CABIN1: variants seen among roughly 807,000 people sequenced by gnomAD.
CABIN1 encodes the protein calcineurin binding protein 1.
CABIN1 carries 133 observed loss-of-function variants against 227.7 expected under a neutral mutation model. That is an observed-to-expected ratio of 0.58 (90% CI 0.51 to 0.67). The LOEUF is 0.67. Among genes scored for constraint, CABIN1 ranks in the 30% least tolerant of loss-of-function variants. The pLI is 0.00. For missense variants in CABIN1, 2,408 were observed against 2,852.5 expected (o/e 0.84, Z 3.55); for synonymous variants, 1,086 against 1,155.1 (o/e 0.94, Z 1.21).
chr22:24,074,789 CGTA>C (rs2040328090), intron 18 of CABIN1, among the ~76,000 whole-genome samples: 1 of 152,110 alleles, frequency 6.6e-6, no homozygotes, highest in South Asian at 2.1e-4. Flanking sequence ...AAAGGAAAAT[CGTA>C]GAACTGAGGA....
At chr22:24,090,593 C>T (rs573254712) in intron 23 of CABIN1, among the ~76,000 whole-genome samples, 1 of 149,572 alleles carries the variant, frequency 6.7e-6, no homozygotes, top group African/African-American at 2.5e-5. Flanking sequence ...TATTTCAGTC[C>T]TGGGGCCATT....
At chr22:24,049,729 T>G (rs1419564512) in intron 7 of CABIN1, among the ~76,000 whole-genome samples, 1 of 152,150 alleles carries the variant, frequency 6.6e-6, no homozygotes, top group East Asian at 1.9e-4. Context: ...CTCCTTTTGT[T>G]AAGACTGCCC....
chr22:24,096,023 G>A lies in CABIN1; in HGVS notation c.3879G>A (p.Glu1293=). Residue 1293 remains glutamate (E), a synonymous_variant, in exon 25 of 37, where the codon GAG becomes GAA. Coordinates refer to ENST00000263119, the MANE Select transcript of CABIN1 (RefSeq NM_012295.4). ...AGGTCCTGGTCAACTTTATGAAGGA[G>A]GCTGCAGAAGGACCCTTTGCCAGGG... ...GAEVLVNFMK[E]AAEGPFARGE... 1 of 1,614,158 alleles carries A rather than the reference G, an allele frequency of 6.2e-7. No individual in the cohort carries two copies. Among genetic ancestry groups the A allele is most frequent in the Non-Finnish European group, 8.5e-7 (1 of 1,180,016 alleles).
At chr22:24,140,105 CG>C (rs2044663421) in intron 29 of CABIN1, among the ~76,000 whole-genome samples, 1 of 152,156 alleles carries the variant, frequency 6.6e-6, no homozygotes, top group South Asian at 2.1e-4. Flanking sequence ...GAGGCACCCT[CG>C]GGGGAACTCC....
At chr22:24,086,255 TC>T (rs1236324491) in intron 22 of CABIN1, among the ~76,000 whole-genome samples, 1 of 152,212 alleles carries the variant, frequency 6.6e-6, no homozygotes, top group African/African-American at 2.4e-5. Context: ...CCTCGTCTGT[TC>T]CCCTACTTCC....
intron 29 of CABIN1, among the ~76,000 whole-genome samples, chr22:24,136,548 TA>T (rs2044425490): frequency 7.0e-6 from 1 of 142,556 alleles, no homozygotes; most frequent in Non-Finnish European, 1.5e-5. Flanking sequence ...TTTTTTTTTT[TA>T]GAGACAAGGT....
intron 30 of CABIN1, 106 bp from the exon 31 acceptor site, chr22:24,165,424 C>T (rs778062291): frequency 9.5e-7 from 1 of 1,049,704 alleles, no homozygotes; most frequent in Non-Finnish European, 1.4e-6. Context: ...CACTGAGGAA[C>T]AAACAGGCAT....
intron 18 of CABIN1, among the ~76,000 whole-genome samples, chr22:24,073,930 G>A (rs1017680879): frequency 1.3e-5 from 2 of 152,154 alleles, no homozygotes; most frequent in South Asian, 2.1e-4. Flanking sequence ...CATCCCCGCT[G>A]CTGAACCCTT....
At position 24,091,620 on chromosome 22, in the gene CABIN1, A is replaced by C. The variant is rs1569199849; in HGVS notation, c.3563A>C (p.Lys1188Thr). ...CGCGACAGCATGCTAGAGACAGCCA[A>C]GCACTGTTTCACATCAGCAGCCCGC... ...GRRDSMLETAKHCFTSAARCE... is the reference protein window; with the variant it reads ...GRRDSMLETATHCFTSAARCE... Residue 1188 changes from lysine to threonine, a missense_variant, in exon 24 of 37, where the codon AAG (lysine) becomes ACG (threonine). This residue lies in a region of CABIN1 where 649 missense variants were observed against 910.3 expected (regional missense o/e 0.71). Coordinates refer to ENST00000263119, the MANE Select transcript of CABIN1 (RefSeq NM_012295.4). The C allele has an allele frequency of 1.2e-6, 2 of 1,614,136 alleles. No homozygotes were observed. The highest frequency in any genetic ancestry group is 1.7e-6 in the Non-Finnish European group (2 of 1,180,058).
intron 15 of CABIN1, among the ~76,000 whole-genome samples, chr22:24,065,283 C>T (rs1374113591): frequency 6.6e-6 from 1 of 150,488 alleles, no homozygotes; most frequent in African/African-American, 2.5e-5. Flanking sequence ...CTCCTCACTT[C>T]TCAGACGGGG....
chr22:24,151,937 C>T (rs571008484), intron 29 of CABIN1, among the ~76,000 whole-genome samples: 1 of 152,354 alleles, frequency 6.6e-6, no homozygotes, highest in Non-Finnish European at 1.5e-5. Flanking sequence ...TGGGTCACTG[C>T]CCATCCACAA....
At position 24,171,996 on chromosome 22, in the gene CABIN1, G is replaced by C. The variant is rs1253091911; in HGVS notation, c.6040+1G>C. On this transcript the variant is annotated splice_donor_variant, in intron 34 of 36. Transcript: ENST00000263119. LOFTEE classifies it high-confidence loss of function. Reference sequence around the variant, plus strand: ...CCCAGCATGGCCTCTCTGGGCCCAGGTGAGTCCCATCCCAGTCCAGAGCTG... The same window carrying C: ...CCCAGCATGGCCTCTCTGGGCCCAGCTGAGTCCCATCCCAGTCCAGAGCTG... The C allele has an allele frequency of 6.2e-7, 1 of 1,609,374 alleles. No homozygotes were observed. Among genetic ancestry groups the C allele is most frequent in the Non-Finnish European group, 8.5e-7 (1 of 1,179,602 alleles).
chr22:24,175,844 GC>G, intron 34 of CABIN1: 1 of 568,786 alleles, frequency 1.8e-6, no homozygotes, highest in African/African-American at 1.9e-5. Context: ...CTCAGGTGTG[GC>G]CCCACTGGGT....
At chr22:24,051,906 T>A (rs1388113845) in intron 8 of CABIN1, among the ~76,000 whole-genome samples, 1 of 152,160 alleles carries the variant, frequency 6.6e-6, no homozygotes, top group Non-Finnish European at 1.5e-5. Context: ...AGTTTCAGCA[T>A]GTAGAATTTC....
chr22:24,151,101 G>A (rs771521717), intron 29 of CABIN1, among the ~76,000 whole-genome samples: 3 of 152,138 alleles, frequency 2.0e-5, no homozygotes, highest in Non-Finnish European at 2.9e-5. Context: ...TTGGGAACCC[G>A]AACGCCCTTG....
At chr22:24,151,814 C>T (rs35013891) in intron 29 of CABIN1, among the ~76,000 whole-genome samples, 2,794 of 152,304 alleles carry the variant, frequency 0.018, 34 homozygotes, top group Middle Eastern at 0.031. Flanking sequence ...CCTTTGCATG[C>T]ACTGCCTACC....
At chr22:24,156,013 TC>T in intron 29 of CABIN1, 1 of 573,708 alleles carries the variant, frequency 1.7e-6, no homozygotes. Flanking sequence ...CGAACGAGCC[TC>T]CGCGGCCATG....
chr22:24,149,519 T>C (rs1277950678), intron 29 of CABIN1, among the ~76,000 whole-genome samples: 1 of 152,224 alleles, frequency 6.6e-6, no homozygotes, highest in African/African-American at 2.4e-5. Flanking sequence ...GAAGGTGAGA[T>C]GGATCAGGGC....
intron 1 of CABIN1, among the ~76,000 whole-genome samples, chr22:24,018,050 T>G (rs1048594434): frequency 6.6e-6 from 1 of 152,098 alleles, no homozygotes; most frequent in Admixed American, 6.5e-5. Context: ...AGATGGAGTC[T>G]CTCTGTGTTG....
Sources: allele counts gnomAD v4.1 joint callset (sites outside exome capture counted in the v4.1 genomes callset), GRCh38; gene constraint gnomAD v4.1.1; regional missense constraint gnomAD v4.1.1; transcripts MANE v1.5; gene names NCBI Gene and HGNC (gene_info 2026-07-23, HGNC 2026-07-21).